NFIB: variants seen among roughly 807,000 people sequenced by gnomAD.
The protein encoded by NFIB is nuclear factor I B.
Under a neutral mutation model 61.5 loss-of-function variants are expected in NFIB, and 11 were observed. That is an observed-to-expected ratio of 0.18 (90% CI 0.11 to 0.30). NFIB has a LOEUF of 0.30. NFIB is among the 10% of genes least tolerant of loss of function. The pLI is 1.00. For missense variants in NFIB, 471 were observed against 608.9 expected (o/e 0.77, Z 2.38); for synonymous variants, 260 against 216.5 (o/e 1.20, Z -1.76).
chr9:14,524,809 A>C, the NFIB span, among the ~76,000 whole-genome samples: 2 of 152,194 alleles, frequency 1.3e-5, no homozygotes, highest in African/African-American at 4.8e-5. Context: ...ACTCCAGAAC[A>C]CCGGCAAAAT....
the NFIB span, among the ~76,000 whole-genome samples, chr9:14,426,119 T>C: frequency 1.3e-5 from 2 of 152,192 alleles, no homozygotes; most frequent in Non-Finnish European, 2.9e-5. Context: ...GCCATTGAGT[T>C]TTCCCAAATC....
chr9:14,527,376 G>C, the NFIB span, among the ~76,000 whole-genome samples: 3 of 152,138 alleles, frequency 2.0e-5, no homozygotes, highest in South Asian at 2.1e-4. Flanking sequence ...ACAGGAGATA[G>C]CTTAGAAGTA....
chr9:14,095,872 T>A (rs772407469), intron 10 of NFIB, among the ~76,000 whole-genome samples: 1 of 152,214 alleles, frequency 6.6e-6, no homozygotes, highest in East Asian at 1.9e-4. Context: ...CAAAAGATCT[T>A]CCTGTGTGTG....
chr9:14,197,260 C>A (rs1169649886), intron 2 of NFIB, among the ~76,000 whole-genome samples: 1 of 152,144 alleles, frequency 6.6e-6, no homozygotes, highest in Admixed American at 6.5e-5. Context: ...GAGGGACGAC[C>A]CTTAACCTTT....
At chr9:14,286,240 T>C (rs1016931196) in intron 2 of NFIB, among the ~76,000 whole-genome samples, 2 of 152,200 alleles carry the variant, frequency 1.3e-5, no homozygotes, top group Non-Finnish European at 2.9e-5. Context: ...TCCTCCAAGT[T>C]TCATTACAGT....
At chr9:14,522,709 T>C in the NFIB span, among the ~76,000 whole-genome samples, 2 of 152,250 alleles carry the variant, frequency 1.3e-5, no homozygotes, top group Admixed American at 1.3e-4. Flanking sequence ...CTCATATTCT[T>C]CCACCTTTAT....
intron 3 of NFIB, 69 bp from the exon 4 acceptor site, chr9:14,155,962 A>G (rs1275152206): frequency 1.0e-6 from 1 of 958,744 alleles, no homozygotes; most frequent in East Asian, 2.8e-5. Context: ...TATACACTAG[A>G]ATTTAAGTGT....
chr9:14,150,355 G>A, intron 4 of NFIB, 90 bp from the exon 5 acceptor site: 3 of 1,578,056 alleles, frequency 1.9e-6, no homozygotes, highest in Non-Finnish European at 2.6e-6. Flanking sequence ...TCATGCCTCT[G>A]GTCAAAGATA....
chr9:14,424,978 C>A, the NFIB span, among the ~76,000 whole-genome samples: 122 of 152,148 alleles, frequency 8.0e-4, no homozygotes, highest in African/African-American at 2.9e-3. Context: ...GTTCCAATCT[C>A]CCCCCCTGGG....
At chr9:14,346,293 C>CCCCG (rs1554715696) in intron 1 of NFIB, among the ~76,000 whole-genome samples, 1 of 136,392 alleles carries the variant, frequency 7.3e-6, no homozygotes, top group Non-Finnish European at 1.7e-5. Flanking sequence ...AACCGACACC[C>CCCCG]CCCCCCCGTA....
chr9:14,294,928 A>C (rs915861284), intron 2 of NFIB, among the ~76,000 whole-genome samples: 3 of 152,174 alleles, frequency 2.0e-5, no homozygotes, highest in African/African-American at 7.2e-5. Context: ...GTAGGGAAAC[A>C]AGCACCGAAA....
the NFIB span, among the ~76,000 whole-genome samples, chr9:14,416,580 A>AT: frequency 6.6e-6 from 1 of 152,202 alleles, no homozygotes; most frequent in East Asian, 1.9e-4. Flanking sequence ...TAAAGAAAAA[A>AT]TTTTTTACAG....
the NFIB span, among the ~76,000 whole-genome samples, chr9:14,467,010 G>T: frequency 6.6e-6 from 1 of 152,138 alleles, no homozygotes; most frequent in Non-Finnish European, 1.5e-5. Context: ...TGTGCGGGAG[G>T]GGGCTGTGAG....
At chr9:14,441,006 T>C in the NFIB span, among the ~76,000 whole-genome samples, 4 of 152,034 alleles carry the variant, frequency 2.6e-5, no homozygotes, top group Admixed American at 1.3e-4. Flanking sequence ...GGAAGATAGA[T>C]ATTAGGTTTA....
rs190367781 is a variant in NFIB at position 14,148,061 on chromosome 9, T to C, written c.807-1254A>G. 8.4e-4 allele frequency among the ~76,000 whole-genome samples: 128 copies of C among 152,288 alleles called. 2 individuals carry two copies. The East Asian group carries it at 0.018, about 22-fold the overall frequency. On this transcript the variant is annotated intron_variant, in intron 5 of 10. Coordinates refer to ENST00000380953, the MANE Select transcript of NFIB (RefSeq NM_001190737.2). ...TAGTGGTTGATATACTTCTTTCATATGCCCCCACCAATAAAGCAGACAATT... is the reference window on the plus strand; with the variant it reads ...TAGTGGTTGATATACTTCTTTCATACGCCCCCACCAATAAAGCAGACAATT...
chr9:14,184,924 G>A (rs1030070829), intron 2 of NFIB, among the ~76,000 whole-genome samples: 4 of 152,116 alleles, frequency 2.6e-5, no homozygotes, highest in African/African-American at 9.7e-5. Flanking sequence ...TTGAGAGGCT[G>A]AGACATGAGA....
chr9:14,529,923 T>A, the NFIB span, among the ~76,000 whole-genome samples: 1 of 152,194 alleles, frequency 6.6e-6, no homozygotes, highest in African/African-American at 2.4e-5. Flanking sequence ...TGCAAATCTT[T>A]AGTAATAATA....
intron 3 of NFIB, among the ~76,000 whole-genome samples, chr9:14,168,594 T>C (rs2131338186): frequency 6.6e-6 from 1 of 152,110 alleles, no homozygotes; most frequent in Admixed American, 6.5e-5. Context: ...GTGGAGACCT[T>C]GGAACCATAC....
chr9:14,175,690 C>A (rs2046111415), intron 3 of NFIB, among the ~76,000 whole-genome samples: 1 of 152,104 alleles, frequency 6.6e-6, no homozygotes, highest in African/African-American at 2.4e-5. Context: ...AGCACAAGCA[C>A]CTATAAAACC....
Sources: allele counts gnomAD v4.1 joint callset (sites outside exome capture counted in the v4.1 genomes callset), GRCh38; gene constraint gnomAD v4.1.1; transcripts MANE v1.5; gene names NCBI Gene and HGNC (gene_info 2026-07-23, HGNC 2026-07-21).